Variants in LOC102723971 observed in about 807,000 individuals in gnomAD.
At chr9:135,615,519 C>T in the LOC102723971 span, 1 of 398,770 alleles carries the variant, frequency 2.5e-6, no homozygotes, top group Non-Finnish European at 4.4e-6. Flanking sequence ...CTCCTGCCGC[C>T]CCTCTCAGGC....
chr9:135,617,875 G>T, the LOC102723971 span: 43 of 397,884 alleles, frequency 1.1e-4, no homozygotes, highest in South Asian at 4.5e-3. Flanking sequence ...GTTGTTCTCC[G>T]CAGAGGAGGA....
the LOC102723971 span, chr9:135,619,071 T>C: frequency 7.9e-4 from 317 of 399,534 alleles, no homozygotes; most frequent in African/African-American, 5.7e-3. Flanking sequence ...CAGGTCCCCC[T>C]GGAAGCCCTT....
the LOC102723971 span, among the ~76,000 whole-genome samples, chr9:135,619,888 TCCCCCGTCTCCCCCTTCTCCCCTG>T: frequency 2.5e-5 from 1 of 39,978 alleles, no homozygotes; most frequent in Non-Finnish European, 4.6e-5. Flanking sequence ...CTCCCCAATC[TCCCCCGTCTCCCCCTTCTCCCCTG>T]TCTCCCCCAT....
At chr9:135,615,954 C>T in the LOC102723971 span, among the ~76,000 whole-genome samples, 1 of 152,234 alleles carries the variant, frequency 6.6e-6, no homozygotes, top group Non-Finnish European at 1.5e-5. Flanking sequence ...CGCAGTGACA[C>T]CGACAACAAG....
the LOC102723971 span, chr9:135,617,906 G>T: frequency 2.5e-6 from 1 of 398,554 alleles, no homozygotes; most frequent in Non-Finnish European, 4.4e-6. Flanking sequence ...AAAGACAGAG[G>T]CTCCAGGCCT....
chr9:135,614,428 T>C, the LOC102723971 span: 1 of 278,002 alleles, frequency 3.6e-6, no homozygotes, highest in Non-Finnish European at 6.3e-6. Flanking sequence ...GTGCAGGGGG[T>C]GGGGCAGACA....
the LOC102723971 span, among the ~76,000 whole-genome samples, chr9:135,617,374 G>C: frequency 6.6e-6 from 1 of 152,208 alleles, no homozygotes; most frequent in Non-Finnish European, 1.5e-5. Flanking sequence ...GGGGTCCTGG[G>C]GGGCTCCTGA....
the LOC102723971 span, among the ~76,000 whole-genome samples, chr9:135,614,789 TG>T: frequency 6.6e-6 from 1 of 152,010 alleles, no homozygotes; most frequent in African/African-American, 2.4e-5. Context: ...TCCTCCTCCC[TG>T]TGTGGCCCCT....
the LOC102723971 span, among the ~76,000 whole-genome samples, chr9:135,617,179 C>T: frequency 6.6e-6 from 1 of 152,124 alleles, no homozygotes; most frequent in Non-Finnish European, 1.5e-5. Flanking sequence ...AGCCTTGGGC[C>T]GAGACGCAGC....
At chr9:135,615,864 C>T in the LOC102723971 span, among the ~76,000 whole-genome samples, 1 of 152,242 alleles carries the variant, frequency 6.6e-6, no homozygotes, top group African/African-American at 2.4e-5. Context: ...CCCTTCCGGC[C>T]CCGATGTAAG....
At chr9:135,619,864 C>T in the LOC102723971 span, among the ~76,000 whole-genome samples, 1 of 131,536 alleles carries the variant, frequency 7.6e-6, no homozygotes, top group Non-Finnish European at 1.6e-5. Context: ...CCCCTTCTCC[C>T]CCTTCTCCCC....
chr9:135,616,625 A>G, the LOC102723971 span: 1 of 398,612 alleles, frequency 2.5e-6, no homozygotes, highest in Non-Finnish European at 4.4e-6. Flanking sequence ...ATCACCGTCC[A>G]TCCAACCCAG....
At chr9:135,619,861 T>G in the LOC102723971 span, among the ~76,000 whole-genome samples, 1 of 77,628 alleles carries the variant, frequency 1.3e-5, no homozygotes, top group East Asian at 4.3e-4. Flanking sequence ...CTCCCCCTTC[T>G]CCCCCTTCTC....
the LOC102723971 span, among the ~76,000 whole-genome samples, chr9:135,615,163 G>T: frequency 3.3e-5 from 5 of 152,208 alleles, no homozygotes; most frequent in Non-Finnish European, 5.9e-5. Context: ...AGAGCCCAGA[G>T]GGTGGCCTGC....
the LOC102723971 span, chr9:135,618,790 G>A: frequency 5.0e-6 from 2 of 396,682 alleles, no homozygotes; most frequent in Non-Finnish European, 8.9e-6. Flanking sequence ...GCAGGACACA[G>A]CCAACATGGG....
the LOC102723971 span, chr9:135,618,996 A>G: frequency 2.5e-6 from 1 of 401,990 alleles, no homozygotes. Flanking sequence ...TGGGCCCCTC[A>G]CCCCTCTGCT....
chr9:135,618,717 G>A, the LOC102723971 span, among the ~76,000 whole-genome samples: 84 of 151,758 alleles, frequency 5.5e-4, no homozygotes, highest in Non-Finnish European at 1.1e-3. Context: ...GGCTGAGAGG[G>A]GCAGTGGGTG....
At chr9:135,619,883 CAA>C in the LOC102723971 span, among the ~76,000 whole-genome samples, 1 of 119,898 alleles carries the variant, frequency 8.3e-6, no homozygotes, top group Admixed American at 8.0e-5. Flanking sequence ...CCCTTCTCCC[CAA>C]TCTCCCCCGT....
the LOC102723971 span, among the ~76,000 whole-genome samples, chr9:135,615,659 T>C: frequency 0.24 from 36,934 of 151,984 alleles, 4,658 homozygotes; most frequent in African/African-American, 0.29. Flanking sequence ...CAGAGGCAGG[T>C]GGGCAGGAAA....
Sources: allele counts gnomAD v4.1 joint callset (sites outside exome capture counted in the v4.1 genomes callset), GRCh38; gene constraint gnomAD v4.1.1; transcripts MANE v1.5.